DNAH8: variants seen among roughly 807,000 people sequenced by gnomAD.
DNAH8 encodes axonemal beta dynein heavy chain 8.
In DNAH8, 382 loss-of-function variants were observed where a neutral mutation model predicts 562.1. The ratio of observed to expected loss-of-function variants is 0.68; its 90% CI spans 0.63 to 0.74. DNAH8 has a LOEUF of 0.74. Ranked by LOEUF, DNAH8 falls within the 30% of genes least tolerant of loss-of-function variation. The pLI is 0.00. For synonymous variants in DNAH8, 1,881 were observed against 1,919.4 expected, an observed-to-expected ratio of 0.98 and a Z score of 0.52; for missense variants, 5,203 against 5,620.4, an observed-to-expected ratio of 0.93 and a Z score of 2.37.
At chr6:38,723,807 T>A (rs907929772) in intron 3 of DNAH8, among the ~76,000 whole-genome samples, 1 of 151,488 alleles carries the variant, frequency 6.6e-6, no homozygotes, top group East Asian at 1.9e-4. Context: ...GCCTGGGAGG[T>A]GGAGGATGCA....
rs950981940 is a variant in DNAH8, at chr6:38,920,895, A to C, written c.10525-474A>C. Among the ~76,000 whole-genome samples, 4 of 152,146 alleles carry C rather than the reference A, an allele frequency of 2.6e-5. No individual in the cohort carries two copies. The East Asian group carries it at 5.8e-4, about 22-fold the overall frequency. ...GTTTTCTTATTGAACATTAATAATT[A>C]AAAAAATTTTTTTGAGACAGGGTCT... On this transcript the variant is annotated intron_variant, in intron 70 of 92. Transcript: ENST00000327475.
chr6:38,895,239 G>A (rs983206180), intron 59 of DNAH8, among the ~76,000 whole-genome samples: 5 of 151,934 alleles, frequency 3.3e-5, no homozygotes, highest in Non-Finnish European at 4.4e-5. Context: ...CTGCCCAGCC[G>A]GTTACTTCTT....
chr6:39,016,966 G>T lies in DNAH8; in HGVS notation c.13714+4329G>T, dbSNP rs754786375. 2.0e-5 allele frequency among the ~76,000 whole-genome samples: 3 copies of T among 152,200 alleles called. No homozygotes were observed. The South Asian group carries it at 6.2e-4, about 32-fold the overall frequency. ...AAGAGGCTGAGTCAGCCACCGTGGA[G>T]CTCATCTGGCATTTTCAGCACCCCT... On this transcript the variant is annotated intron_variant, in intron 91 of 92. Coordinates refer to ENST00000327475, the MANE Select transcript of DNAH8 (RefSeq NM_001206927.2).
chr6:38,813,455 C>T (rs1049308054), intron 24 of DNAH8, among the ~76,000 whole-genome samples: 22 of 151,858 alleles, frequency 1.4e-4, no homozygotes, highest in African/African-American at 4.8e-4. Flanking sequence ...TCAGTAATGA[C>T]GGTATTTCTT....
At chr6:38,865,715 C>T (rs1037162134) in intron 45 of DNAH8, among the ~76,000 whole-genome samples, 1 of 152,140 alleles carries the variant, frequency 6.6e-6, no homozygotes, top group African/African-American at 2.4e-5. Context: ...GCAAGGCAGG[C>T]TGGGAAATGT....
At chr6:38,964,921 G>A (rs368791149) in intron 82 of DNAH8, among the ~76,000 whole-genome samples, 6 of 151,920 alleles carry the variant, frequency 3.9e-5, no homozygotes, top group African/African-American at 7.3e-5. Flanking sequence ...AAAATTAGTC[G>A]GGCGTGGTGG....
chr6:38,754,135 C>A (rs1197587007), intron 9 of DNAH8, among the ~76,000 whole-genome samples: 1 of 152,026 alleles, frequency 6.6e-6, no homozygotes, highest in African/African-American at 2.4e-5. Context: ...GCATATCTTA[C>A]TATTATATGT....
At chr6:38,867,163 G>A (rs1014827638) in intron 47 of DNAH8, among the ~76,000 whole-genome samples, 23 of 151,992 alleles carry the variant, frequency 1.5e-4, no homozygotes, top group Non-Finnish European at 3.1e-4. Flanking sequence ...AACAAAACTG[G>A]AAATGGACAC....
chr6:38,723,407 T>A lies in DNAH8; in HGVS notation c.461T>A (p.Ile154Asn), dbSNP rs1470050318. Residue 154 changes from isoleucine to asparagine, a missense_variant, in exon 3 of 93, where the codon ATT (isoleucine) becomes AAT (asparagine). Ile to Asn is a moderately radical substitution (Grantham distance 149). Coordinates refer to ENST00000327475, the MANE Select transcript of DNAH8 (RefSeq NM_001206927.2). ...IDPSYKYIFE[I>N]LAENLGLDIV... ...CCTTCATACAAATATATATTTGAAA[T>A]TCTAGCAGAAAATCTTGGCCTGGAC... 1 of 1,612,484 alleles carries A rather than the reference T, an allele frequency of 6.2e-7. No individual in the cohort carries two copies. Among genetic ancestry groups the A allele is most frequent in the Non-Finnish European group, 8.5e-7 (1 of 1,179,812 alleles).
intron 88 of DNAH8, among the ~76,000 whole-genome samples, chr6:39,006,719 G>A (rs1765819859): frequency 6.6e-6 from 1 of 152,182 alleles, no homozygotes; most frequent in Non-Finnish European, 1.5e-5. Context: ...CAGGTAATAT[G>A]AGTAAATGTT....
At chr6:38,802,521 G>A (rs1424250577) in intron 21 of DNAH8, among the ~76,000 whole-genome samples, 3 of 152,166 alleles carry the variant, frequency 2.0e-5, no homozygotes, top group Non-Finnish European at 4.4e-5. Context: ...TCTTCCTAAA[G>A]CATTTGCTAG....
At position 38,837,536 on chromosome 6, in the gene DNAH8, A is replaced by G. The variant is rs1402330852; in HGVS notation, c.4366-406A>G. ...ATAGACTCTTCATTGCATGTACAGAAAACAGGACTGAATGGATTAGACTAA... is the reference window on the plus strand; with the variant it reads ...ATAGACTCTTCATTGCATGTACAGAGAACAGGACTGAATGGATTAGACTAA... On this transcript the variant is annotated intron_variant, in intron 32 of 92. Coordinates refer to ENST00000327475, the MANE Select transcript of DNAH8 (RefSeq NM_001206927.2). 2.0e-5 allele frequency among the ~76,000 whole-genome samples: 3 copies of G among 152,354 alleles called. No individual in the cohort carries two copies. The East Asian group carries it at 5.8e-4, about 29-fold the overall frequency.
intron 11 of DNAH8, chr6:38,763,364 T>TA: frequency 4.0e-6 from 1 of 249,422 alleles, no homozygotes; most frequent in Non-Finnish European, 7.7e-6. Context: ...TTTTCTTATT[T>TA]AAATACAGAA....
chr6:38,965,868 A>T (rs1762936364), intron 82 of DNAH8, among the ~76,000 whole-genome samples: 1 of 152,142 alleles, frequency 6.6e-6, no homozygotes, highest in Non-Finnish European at 1.5e-5. Context: ...TCCCCAGGCC[A>T]CTCAGAAAAG....
chr6:38,932,255 T>C (rs1338337333), intron 76 of DNAH8, among the ~76,000 whole-genome samples: 2 of 150,576 alleles, frequency 1.3e-5, no homozygotes, highest in Non-Finnish European at 3.0e-5. Flanking sequence ...CTTCTAGGTG[T>C]ACTGACTCTC....
chr6:38,805,297 G>A (rs1434912124), intron 22 of DNAH8, among the ~76,000 whole-genome samples, 184 bp from the exon 23 acceptor site: 1 of 152,076 alleles, frequency 6.6e-6, no homozygotes, highest in Non-Finnish European at 1.5e-5. Flanking sequence ...CTATTGAGGT[G>A]GATAATTTAA....
At chr6:38,877,067 G>A (rs1778075721) in intron 53 of DNAH8, among the ~76,000 whole-genome samples, 1 of 152,102 alleles carries the variant, frequency 6.6e-6, no homozygotes, top group South Asian at 2.1e-4. Flanking sequence ...TTAGAATCCA[G>A]AGCCAAGCTC....
rs1762958608 is a variant in DNAH8, at chr6:38,723,615, C to CTA, written c.525+145_525+146insAT. On this transcript the variant is annotated intron_variant, in intron 3 of 92. Transcript: ENST00000327475. ...TGGGGCAGGGCACAGTGGCTCATGC[C>CTA]TGTAATCCCAGCACTTTGGGAGGCT... The CTA allele has an allele frequency of 7.8e-6, 8 of 1,031,040 alleles. No individual in the cohort carries two copies. The East Asian group carries it at 2.0e-4, about 26-fold the overall frequency. 63.9% of individuals were successfully genotyped at this position (1,031,040 alleles called of 1,614,324 possible).
intron 5 of DNAH8, among the ~76,000 whole-genome samples, chr6:38,735,621 A>C (rs1025974120): frequency 6.6e-6 from 1 of 152,030 alleles, no homozygotes; most frequent in African/African-American, 2.4e-5. Flanking sequence ...CTTATCCATG[A>C]TTTCATCCAT....
Sources: gnomAD v4.1 joint callset for allele counts (sites outside exome capture counted in the v4.1 genomes callset) on GRCh38, gnomAD v4.1.1 for gene constraint, MANE v1.5 for transcripts, NCBI Gene and HGNC (gene_info 2026-07-23, HGNC 2026-07-21) for gene names.